Variants in PARD3B observed in about 807,000 individuals in gnomAD.
The protein encoded by PARD3B is par-3 family cell polarity regulator beta.
PARD3B carries 103 observed loss-of-function variants against 130.2 expected under a neutral mutation model. The ratio of observed to expected loss-of-function variants is 0.79; its 90% CI spans 0.67 to 0.93. PARD3B has a LOEUF of 0.93. Among genes scored for constraint, PARD3B ranks in the 40% least tolerant of loss-of-function variants. The probability of loss-of-function intolerance (pLI) is 0.00; values close to 1 mark genes in which losing one functional copy is unlikely to be tolerated. For missense variants in PARD3B, 1,609 were observed against 1,499.2 expected (o/e 1.07, Z -1.21); for synonymous variants, 583 against 553.2 (o/e 1.05, Z -0.76).
intron 4 of PARD3B, among the ~76,000 whole-genome samples, chr2:205,068,959 T>A (rs546325066): frequency 2.0e-5 from 3 of 152,280 alleles, no homozygotes; most frequent in African/African-American, 7.2e-5. Context: ...ACATTCAACA[T>A]GTAGTTAACA....
chr2:205,439,054 A>G (rs995817242), intron 19 of PARD3B, among the ~76,000 whole-genome samples: 1 of 152,238 alleles, frequency 6.6e-6, no homozygotes, highest in Admixed American at 6.5e-5. Flanking sequence ...CTGCCAAAAG[A>G]GAAAAATACC....
Position 205,585,270 on chromosome 2 carries a change from G to T in PARD3B, c.3261-30186G>T, listed in dbSNP as rs2054156463. ...ATCCCACAAAGTAAATGCTGTCTTG[G>T]GCTTTTAAGTGAATTGGGGCTAACA... On this transcript the variant is annotated intron_variant, in intron 22 of 22. Coordinates refer to ENST00000406610, the MANE Select transcript of PARD3B (RefSeq NM_001302769.2). The surrounding 1 kb of genome is among the most constrained non-coding windows in gnomAD (Gnocchi z 5.4). 6.6e-6 allele frequency among the ~76,000 whole-genome samples: 1 copy of T among 152,140 alleles called. No individual in the cohort carries two copies. Among genetic ancestry groups the T allele is most frequent in the Non-Finnish European group, 1.5e-5 (1 of 68,018 alleles).
intron 5 of PARD3B, among the ~76,000 whole-genome samples, chr2:205,112,511 C>A (rs1241874149): frequency 6.6e-6 from 1 of 152,084 alleles, no homozygotes; most frequent in Non-Finnish European, 1.5e-5. Context: ...CTTAATTTGA[C>A]ATCTAGTTTC....
At chr2:204,727,242 CAT>C (rs1350755123) in intron 2 of PARD3B, among the ~76,000 whole-genome samples, 2 of 152,164 alleles carry the variant, frequency 1.3e-5, no homozygotes, top group East Asian at 1.9e-4. Context: ...TTTGTGTACA[CAT>C]GTTTCATTCT....
chr2:204,605,738 C>T (rs898019285), intron 1 of PARD3B, among the ~76,000 whole-genome samples: 1 of 152,116 alleles, frequency 6.6e-6, no homozygotes, highest in Non-Finnish European at 1.5e-5. Flanking sequence ...TAATGATATC[C>T]ACCTCAGTGG....
chr2:204,995,138 G>A (rs1482536538), intron 3 of PARD3B, among the ~76,000 whole-genome samples: 1 of 152,050 alleles, frequency 6.6e-6, no homozygotes, highest in Non-Finnish European at 1.5e-5. Flanking sequence ...GTTAGCTGGT[G>A]ATTTTGCTCA....
At chr2:205,272,144 T>G (rs1393980613) in intron 16 of PARD3B, among the ~76,000 whole-genome samples, 2 of 148,540 alleles carry the variant, frequency 1.3e-5, no homozygotes, top group African/African-American at 2.5e-5. Flanking sequence ...GGCAACAGAG[T>G]GAGACTCTGT....
intron 12 of PARD3B, among the ~76,000 whole-genome samples, chr2:205,175,102 G>A (rs192584856): frequency 1.6e-4 from 25 of 152,230 alleles, no homozygotes; most frequent in East Asian, 3.9e-4. Flanking sequence ...AGGGCTCTGC[G>A]ACGGCTCTAT....
chr2:204,728,821 A>AT (rs1021000829), intron 2 of PARD3B, among the ~76,000 whole-genome samples: 14 of 152,164 alleles, frequency 9.2e-5, no homozygotes, highest in Admixed American at 7.9e-4. Flanking sequence ...CTTCTAATTT[A>AT]AGGCTATTAG....
At chr2:205,468,204 G>C (rs1369076253) in intron 20 of PARD3B, among the ~76,000 whole-genome samples, 2 of 152,224 alleles carry the variant, frequency 1.3e-5, no homozygotes, top group African/African-American at 4.8e-5. Flanking sequence ...TCCCTCCACA[G>C]AAGGCTTCGA....
intron 1 of PARD3B, among the ~76,000 whole-genome samples, chr2:204,665,396 T>C (rs1425282111): frequency 6.6e-6 from 1 of 152,134 alleles, no homozygotes; most frequent in African/African-American, 2.4e-5. Context: ...CTGTGGCATC[T>C]GGTTCAGGGC....
intron 18 of PARD3B, among the ~76,000 whole-genome samples, chr2:205,368,029 A>G (rs1002076747): frequency 3.0e-4 from 46 of 152,196 alleles, no homozygotes; most frequent in African/African-American, 1.0e-3. Context: ...TAAATGTTCA[A>G]CACTCTGGGA....
At chr2:205,057,239 C>A (rs972856034) in intron 4 of PARD3B, among the ~76,000 whole-genome samples, 1 of 149,896 alleles carries the variant, frequency 6.7e-6, no homozygotes, top group Non-Finnish European at 1.5e-5. Context: ...GTGTTATATA[C>A]ATATACATGT....
chr2:205,041,136 A>G (rs1698369142), intron 3 of PARD3B, among the ~76,000 whole-genome samples: 1 of 151,700 alleles, frequency 6.6e-6, no homozygotes, highest in African/African-American at 2.4e-5. Flanking sequence ...CCTCCTTTTT[A>G]TTTTCCTCTG....
intron 21 of PARD3B, among the ~76,000 whole-genome samples, chr2:205,515,376 T>C (rs1271832993): frequency 2.6e-5 from 4 of 152,148 alleles, no homozygotes; most frequent in African/African-American, 9.6e-5. Context: ...GAGATTGTTG[T>C]TTGAAATGGT....
chr2:204,778,146 CAAAA>C (rs35683519), intron 2 of PARD3B, among the ~76,000 whole-genome samples: 8 of 109,302 alleles, frequency 7.3e-5, no homozygotes, highest in Non-Finnish European at 2.0e-5. Flanking sequence ...CACCCTCTAT[CAAAA>C]AAAAAAAAAA....
intron 4 of PARD3B, among the ~76,000 whole-genome samples, chr2:205,101,244 A>AACTAC (rs1459641196): frequency 6.6e-6 from 1 of 152,206 alleles, no homozygotes; most frequent in African/African-American, 2.4e-5. Flanking sequence ...TGTAAATCAA[A>AACTAC]ACTACAATGA....
intron 3 of PARD3B, among the ~76,000 whole-genome samples, chr2:205,001,693 G>A (rs1559345433): frequency 6.6e-6 from 1 of 152,158 alleles, no homozygotes; most frequent in Admixed American, 6.5e-5. Context: ...AGTGGAAATG[G>A]CAGGGAGGCG....
In PARD3B at chr2:205,617,665, GT is replaced by G. The variant is rs2055477574; in HGVS notation, c.*1853del. ...CTCTCTTAAGCCAGGCACCTTTAGA[GT>G]GTTTGCAATTTGTTCGAAGTGGTTG... On this transcript the variant is annotated 3_prime_UTR_variant, in exon 23 of 23. Transcript: ENST00000406610. 3 of 152,174 alleles carry G rather than the reference GT, an allele frequency of 2.0e-5. No homozygotes were observed. Among genetic ancestry groups the G allele is most frequent in the Admixed American group, 2.0e-4 (3 of 15,278 alleles). 9.4% of individuals were successfully genotyped at this position (152,174 alleles called of 1,614,324 possible).
Sources: allele counts gnomAD v4.1 joint callset (sites outside exome capture counted in the v4.1 genomes callset), GRCh38; gene constraint gnomAD v4.1.1; non-coding constraint Gnocchi (gnomAD v3.1); transcripts MANE v1.5; gene names NCBI Gene and HGNC (gene_info 2026-07-23, HGNC 2026-07-21).